The following SEMA3A variants were observed in gnomAD, a reference collection of about 807,000 sequenced individuals.
SEMA3A encodes semaphorin 3A.
In SEMA3A, 29 loss-of-function variants were observed where a neutral mutation model predicts 97.9. That is an observed-to-expected ratio of 0.30 (90% confidence interval 0.22 to 0.40). The LOEUF (loss-of-function observed/expected upper bound fraction) is 0.40. Ranked by LOEUF, SEMA3A falls within the 10% of genes least tolerant of loss-of-function variation. The pLI is 1.00. For synonymous variants in SEMA3A, 321 were observed against 323.7 expected, an observed-to-expected ratio of 0.99 and a Z score of 0.09; for missense variants, 763 against 951.3, an observed-to-expected ratio of 0.80 and a Z score of 2.60.
At chr7:84,455,628 T>C (rs1335440570) in intron 1 of SEMA3A, among the ~76,000 whole-genome samples, 1 of 151,940 alleles carries the variant, frequency 6.6e-6, no homozygotes, top group Non-Finnish European at 1.5e-5. Context: ...ATTTCTATGA[T>C]TTCAATGTGA....
At chr7:84,421,869 A>G (rs1009936004) in intron 1 of SEMA3A, among the ~76,000 whole-genome samples, 5 of 152,008 alleles carry the variant, frequency 3.3e-5, no homozygotes, top group African/African-American at 1.2e-4. Flanking sequence ...GATGAAGCTG[A>G]CTTGATTGTG....
chr7:84,444,631 G>A (rs1047194609), intron 1 of SEMA3A, among the ~76,000 whole-genome samples: 3 of 148,340 alleles, frequency 2.0e-5, no homozygotes, highest in Admixed American at 6.8e-5. Flanking sequence ...ACGCGATCTC[G>A]GCTCACTGCA....
upstream of SEMA3A, among the ~76,000 whole-genome samples, chr7:84,197,376 G>T (rs1455611574): frequency 6.6e-6 from 1 of 151,960 alleles, no homozygotes; most frequent in Non-Finnish European, 1.5e-5. Flanking sequence ...CAAACTAACT[G>T]TCCTAGACTG....
intron 1 of SEMA3A, among the ~76,000 whole-genome samples, chr7:84,376,307 G>A (rs1803096455): frequency 6.7e-6 from 1 of 149,048 alleles, no homozygotes; most frequent in Non-Finnish European, 1.5e-5. Flanking sequence ...TATCAACAGT[G>A]TATAAGAAGT....
At chr7:84,424,886 A>G (rs992480483) in intron 1 of SEMA3A, among the ~76,000 whole-genome samples, 3 of 79,262 alleles carry the variant, frequency 3.8e-5, no homozygotes, top group Non-Finnish European at 6.7e-5. Flanking sequence ...ATAATATTAT[A>G]TATAAATAAT....
chr7:84,478,021 T>A (rs560310430), intron 1 of SEMA3A, among the ~76,000 whole-genome samples: 20 of 152,174 alleles, frequency 1.3e-4, no homozygotes, highest in Non-Finnish European at 2.4e-4. Context: ...TGAGGTAACA[T>A]CTTTTTAGAG....
chr7:84,100,588 T>A (rs1794931544), intron 4 of SEMA3A, among the ~76,000 whole-genome samples: 1 of 152,200 alleles, frequency 6.6e-6, no homozygotes, highest in Non-Finnish European at 1.5e-5. Context: ...TTATTGCAGA[T>A]GTCTTTACCA....
intron 1 of SEMA3A, among the ~76,000 whole-genome samples, chr7:84,407,844 T>C (rs938893812): frequency 2.0e-5 from 3 of 152,154 alleles, no homozygotes; most frequent in Non-Finnish European, 2.9e-5. Context: ...TAGCCATATG[T>C]AGAAAGCTGA....
chr7:84,257,891 A>G (rs1166633474), intron 3 of SEMA3A, among the ~76,000 whole-genome samples: 1 of 152,230 alleles, frequency 6.6e-6, no homozygotes, highest in Non-Finnish European at 1.5e-5. Context: ...CCAAAATCAT[A>G]TAATATGATT....
chr7:84,436,195 A>G (rs753234940), intron 1 of SEMA3A, among the ~76,000 whole-genome samples: 1 of 152,144 alleles, frequency 6.6e-6, no homozygotes, highest in Non-Finnish European at 1.5e-5. Flanking sequence ...CTGGATTAAA[A>G]ATTTAAATGT....
chr7:84,207,673 T>C (rs73181306), intron 3 of SEMA3A, among the ~76,000 whole-genome samples: 9,570 of 152,248 alleles, frequency 0.063, 516 homozygotes, highest in East Asian at 0.29. Flanking sequence ...TTTTGCCAAG[T>C]TCTCTGACCT....
At chr7:84,456,926 G>C (rs1285236981) in intron 1 of SEMA3A, among the ~76,000 whole-genome samples, 1 of 151,708 alleles carries the variant, frequency 6.6e-6, no homozygotes, top group African/African-American at 2.4e-5. Context: ...TGGACCCTAA[G>C]TTACTTGCTA....
intron 3 of SEMA3A, among the ~76,000 whole-genome samples, chr7:84,257,499 A>G (rs1052616366): frequency 2.0e-5 from 3 of 152,194 alleles, no homozygotes; most frequent in African/African-American, 4.8e-5. Context: ...GTAATCAGGT[A>G]ACATTTAAAG....
intron 1 of SEMA3A, among the ~76,000 whole-genome samples, chr7:84,137,766 C>T (rs565414388): frequency 6.7e-6 from 1 of 150,180 alleles, no homozygotes; most frequent in Admixed American, 6.6e-5. Flanking sequence ...AATGAAAGGG[C>T]CATGTAAGAG....
intron 6 of SEMA3A, among the ~76,000 whole-genome samples, chr7:84,015,908 G>C (rs1462790290): frequency 2.0e-5 from 3 of 152,140 alleles, no homozygotes; most frequent in African/African-American, 7.2e-5. Context: ...AGCTCAGTGT[G>C]CCAGTGAACA....
chr7:84,163,445 G>C (rs1200288660), intron 1 of SEMA3A, among the ~76,000 whole-genome samples: 1 of 151,798 alleles, frequency 6.6e-6, no homozygotes, highest in Non-Finnish European at 1.5e-5. Flanking sequence ...TTGTAGATCT[G>C]CCTATAATTT....
chr7:84,062,924 A>C (rs1022307665), intron 4 of SEMA3A, among the ~76,000 whole-genome samples: 37 of 152,042 alleles, frequency 2.4e-4, no homozygotes, highest in African/African-American at 7.0e-4. Flanking sequence ...ACCACAGCTC[A>C]AGGAGGCCTG....
rs527852565 is a variant in SEMA3A at position 84,453,027 on chromosome 7, T to C, written c.-246+39433A>G. ...ATTTGTAGCAGGTCATTTTTACTAGTAATAGCTTTAAAATTTTCTAGGTTA... is the reference window on the plus strand; with the variant it reads ...ATTTGTAGCAGGTCATTTTTACTAGCAATAGCTTTAAAATTTTCTAGGTTA... On this transcript the variant is annotated intron_variant, in intron 1 of 3. Coordinates refer to the SEMA3A transcript ENST00000424555. 2.0e-5 allele frequency among the ~76,000 whole-genome samples: 3 copies of C among 152,300 alleles called. No individual in the cohort carries two copies. In the South Asian group the frequency reaches 6.2e-4, roughly 32 times the overall value.
At chr7:84,442,777 A>C (rs1285565294) in intron 1 of SEMA3A, among the ~76,000 whole-genome samples, 10 of 152,146 alleles carry the variant, frequency 6.6e-5, no homozygotes, top group Admixed American at 5.9e-4. Flanking sequence ...AAAGATTATA[A>C]AAGGATATTC....
Sources: allele counts gnomAD v4.1 joint callset (sites outside exome capture counted in the v4.1 genomes callset), GRCh38; gene constraint gnomAD v4.1.1; transcripts MANE v1.5; gene names NCBI Gene and HGNC (gene_info 2026-07-23, HGNC 2026-07-21).